Variants in NKAIN2 observed in about 807,000 individuals in gnomAD.
NKAIN2 encodes sodium/potassium-transporting ATPase subunit beta-1-interacting protein 2.
NKAIN2 carries 14 observed loss-of-function variants against 32.6 expected under a neutral mutation model. That is an observed-to-expected ratio of 0.43 (90% CI 0.28 to 0.67). The LOEUF is 0.67. Ranked by LOEUF, NKAIN2 falls within the 30% of genes least tolerant of loss-of-function variation. The pLI, the probability that NKAIN2 is intolerant of heterozygous loss-of-function variation, is 0.17. For missense variants in NKAIN2, 198 were observed against 258.3 expected, an observed-to-expected ratio of 0.77 and a Z score of 1.60; for synonymous variants, 80 against 87.2, an observed-to-expected ratio of 0.92 and a Z score of 0.46.
rs557441056 is a variant in NKAIN2 at position 124,709,789 on chromosome 6, A to T, written c.474+51403A>T. Among the ~76,000 whole-genome samples, 465 of 148,836 alleles carry T rather than the reference A, an allele frequency of 3.1e-3. 3 individuals carry two copies. Among genetic ancestry groups the T allele is most frequent in the African/African-American group, 7.0e-3 (282 of 40,534 alleles). On this transcript the variant is annotated intron_variant, in intron 4 of 6. Transcript: ENST00000368417. ...ATCCTTTCAAAAAACCAGCTCCTGG[A>T]TTCATTAATTTTTTGAAGGGTTTTT...
At chr6:123,966,043 A>G (rs1778060866) in intron 1 of NKAIN2, among the ~76,000 whole-genome samples, 1 of 152,192 alleles carries the variant, frequency 6.6e-6, no homozygotes, top group Admixed American at 6.5e-5. Flanking sequence ...AATCTTGGCT[A>G]TAGTTTGGTG....
intron 1 of NKAIN2, among the ~76,000 whole-genome samples, chr6:124,048,084 T>C (rs1224096157): frequency 6.6e-6 from 1 of 152,046 alleles, no homozygotes. Context: ...CATCAGACTT[T>C]CCAACATGCT....
chr6:124,583,667 C>A (rs1471322381), intron 3 of NKAIN2, among the ~76,000 whole-genome samples: 1 of 152,042 alleles, frequency 6.6e-6, no homozygotes, highest in Non-Finnish European at 1.5e-5. Flanking sequence ...GAACCACAAT[C>A]GACCTAGAAC....
Position 124,117,627 on chromosome 6 carries a change from A to G in NKAIN2, c.55-165378A>G, listed in dbSNP as rs541635577. Among the ~76,000 whole-genome samples the G allele has an allele frequency of 2.6e-5, 4 of 152,236 alleles. No individual in the cohort carries two copies. The East Asian group carries it at 7.7e-4, about 29-fold the overall frequency. Reference sequence around the variant, plus strand: ...TGTAACAAACCTGCACGTTGTGCACATGTACCCTAAAACTTAAAGTATAAT... The same window carrying G: ...TGTAACAAACCTGCACGTTGTGCACGTGTACCCTAAAACTTAAAGTATAAT... On this transcript the variant is annotated intron_variant, in intron 1 of 6. Coordinates refer to ENST00000368417, the MANE Select transcript of NKAIN2 (RefSeq NM_001040214.3).
chr6:124,256,066 T>TAACACTCC (rs1793915619), intron 1 of NKAIN2, among the ~76,000 whole-genome samples: 1 of 152,176 alleles, frequency 6.6e-6, no homozygotes. Context: ...CAAGGGAAAT[T>TAACACTCC]ACTCCGTGGA....
chr6:123,866,040 T>A (rs915939518), intron 1 of NKAIN2, among the ~76,000 whole-genome samples: 29 of 152,334 alleles, frequency 1.9e-4, no homozygotes, highest in Admixed American at 9.8e-4. Context: ...CCATAGGTAG[T>A]TTTGGAGTCT....
chr6:123,921,638 T>C (rs113424233), intron 1 of NKAIN2, among the ~76,000 whole-genome samples: 9 of 152,160 alleles, frequency 5.9e-5, no homozygotes, highest in Admixed American at 5.9e-4. Context: ...CATTCAACTG[T>C]CAAATGGAAA....
intron 5 of NKAIN2, among the ~76,000 whole-genome samples, chr6:124,813,857 G>A (rs978818367): frequency 2.0e-5 from 3 of 152,042 alleles, no homozygotes; most frequent in Non-Finnish European, 2.9e-5. Flanking sequence ...GATAAACTAC[G>A]ACCCAAACAT....
At chr6:124,632,192 C>A (rs547601647) in intron 3 of NKAIN2, among the ~76,000 whole-genome samples, 1 of 152,204 alleles carries the variant, frequency 6.6e-6, no homozygotes, top group East Asian at 1.9e-4. Flanking sequence ...TAAGGTAATT[C>A]TTTTCACAAG....
rs772303470 is a variant in NKAIN2 at position 124,647,579 on chromosome 6, T to C, written c.274-10607T>C. Among the ~76,000 whole-genome samples, 3 of 151,268 alleles carry C rather than the reference T, an allele frequency of 2.0e-5. No homozygotes were observed. The East Asian group carries it at 5.8e-4, about 29-fold the overall frequency. On this transcript the variant is annotated intron_variant, in intron 3 of 6. Coordinates refer to ENST00000368417, the MANE Select transcript of NKAIN2 (RefSeq NM_001040214.3). ...AACTGGGTGGTGGGTATAATGACGT[T>C]ATTATAATATCCTTTATACTCTTCA...
intron 2 of NKAIN2, among the ~76,000 whole-genome samples, chr6:124,283,653 A>G (rs1262418811): frequency 1.3e-5 from 2 of 152,168 alleles, no homozygotes; most frequent in African/African-American, 2.4e-5. Flanking sequence ...TTTGGCTTGA[A>G]GGAAGTATTT....
Position 124,793,017 on chromosome 6 carries a change from G to C in NKAIN2, c.535+1618G>C, listed in dbSNP as rs1779812710. 2.6e-5 allele frequency among the ~76,000 whole-genome samples: 4 copies of C among 152,024 alleles called. No homozygotes were observed. The South Asian group carries it at 8.3e-4, about 32-fold the overall frequency. ...AGACTCAAGAGGGGGAAAGATTAGG[G>C]AAAAGAGAACTAGTTAAGACACCAT... On this transcript the variant is annotated intron_variant, in intron 5 of 6. Coordinates refer to ENST00000368417, the MANE Select transcript of NKAIN2 (RefSeq NM_001040214.3).
chr6:124,726,197 G>C (rs552568871), intron 4 of NKAIN2, among the ~76,000 whole-genome samples: 2 of 152,330 alleles, frequency 1.3e-5, no homozygotes, highest in East Asian at 3.9e-4. Context: ...CAACTGGGCG[G>C]AGCCCACCAC....
intron 6 of NKAIN2, among the ~76,000 whole-genome samples, chr6:124,821,179 C>A (rs1399333778): frequency 6.6e-6 from 1 of 151,834 alleles, no homozygotes; most frequent in African/African-American, 2.4e-5. Flanking sequence ...CCTGTAATCC[C>A]AGTTACTCGG....
intron 1 of NKAIN2, among the ~76,000 whole-genome samples, chr6:123,896,000 T>A (rs1231355524): frequency 6.6e-6 from 1 of 152,236 alleles, no homozygotes; most frequent in Non-Finnish European, 1.5e-5. Context: ...GCAAGTCAAC[T>A]GTGTGTTACA....
At chr6:124,693,410 A>G (rs1037879760) in intron 4 of NKAIN2, among the ~76,000 whole-genome samples, 2 of 152,224 alleles carry the variant, frequency 1.3e-5, no homozygotes, top group Admixed American at 1.3e-4. Flanking sequence ...GATGTTCAAC[A>G]CTGACAAAAT....
intron 4 of NKAIN2, among the ~76,000 whole-genome samples, chr6:124,704,162 A>C (rs1189961474): frequency 2.6e-5 from 4 of 151,956 alleles, no homozygotes; most frequent in Non-Finnish European, 5.9e-5. Context: ...TGAGAGAAAA[A>C]ATGCACTGAG....
At chr6:124,123,796 T>A (rs117672772) in intron 1 of NKAIN2, among the ~76,000 whole-genome samples, 1 of 152,152 alleles carries the variant, frequency 6.6e-6, no homozygotes, top group Non-Finnish European at 1.5e-5. Flanking sequence ...TTCCTCTATA[T>A]AGTTGGATGA....
At position 124,579,619 on chromosome 6, in the gene NKAIN2, T is replaced by A. The variant is rs1014399753; in HGVS notation, c.274-78567T>A. On this transcript the variant is annotated intron_variant, in intron 3 of 6. Transcript: ENST00000368417. ...TCAAAAGTGCAAATCTAAGAGTTATTGGCCTTAAAGAGAGGTAGAGAGAGA... is the reference window on the plus strand; with the variant it reads ...TCAAAAGTGCAAATCTAAGAGTTATAGGCCTTAAAGAGAGGTAGAGAGAGA... Among the ~76,000 whole-genome samples, 3 of 151,432 alleles carry A rather than the reference T, an allele frequency of 2.0e-5. No individual in the cohort carries two copies. In the South Asian group the frequency reaches 6.4e-4, roughly 32 times the overall value.
Sources: gnomAD v4.1 joint callset for allele counts (sites outside exome capture counted in the v4.1 genomes callset) on GRCh38, gnomAD v4.1.1 for gene constraint, MANE v1.5 for transcripts, NCBI Gene and HGNC (gene_info 2026-07-23, HGNC 2026-07-21) for gene names.